The following TSC1 variants were observed in gnomAD, a reference collection of about 807,000 sequenced individuals.
TSC1 encodes TSC complex subunit 1, also known as hamartin.
TSC1 carries 20 observed loss-of-function variants against 124.3 expected under a neutral mutation model. The ratio of observed to expected loss-of-function variants is 0.16; its 90% CI spans 0.11 to 0.23. TSC1 has a LOEUF of 0.23. TSC1 is among the 10% of genes least tolerant of loss of function. The probability of loss-of-function intolerance (pLI) is 1.00; values close to 1 mark genes in which losing one functional copy is unlikely to be tolerated. For synonymous variants in TSC1, 493 were observed against 539.1 expected (o/e 0.91, Z 1.19); for missense variants, 1,124 against 1,448.5 (o/e 0.78, Z 3.64).
chr9:132,900,067 A>C (rs1487683661), intron 20 of TSC1: 1 of 155,708 alleles, frequency 6.4e-6, no homozygotes, highest in African/African-American at 2.4e-5. Context: ...CGGCCGAAAA[A>C]GACTCTTTAC....
Position 132,903,716 on chromosome 9 carries a change from G to A in TSC1, c.2143C>T (p.Arg715Trp), listed in dbSNP as rs1564478519. The change falls in exon 17 of 23, where the codon CGG becomes TGG. Residue 715 changes from arginine (R) to tryptophan (W), a missense_variant. This residue lies in a region of TSC1 where 321 missense variants were observed against 397.4 expected (regional missense o/e 0.81). Coordinates refer to ENST00000298552, the MANE Select transcript of TSC1 (RefSeq NM_000368.5). The surrounding 1 kb of genome is among the most constrained non-coding windows in gnomAD (Gnocchi z 5.9). The stretch of plus-strand genomic sequence containing the variant: ...ACCTTGCGGAGGAGCCGCCTGTTCC[G>A]GAGGGCATGCTGCTGCCTCTTAAAA... Reference protein sequence around the residue: ...ERFKRQQHALRNRRLLRKVIK... With the variant: ...ERFKRQQHALWNRRLLRKVIK... 3 of 1,613,202 alleles carry A rather than the reference G, an allele frequency of 1.9e-6. No homozygotes were observed. Among genetic ancestry groups the A allele is most frequent in the Non-Finnish European group, 2.5e-6 (3 of 1,180,024 alleles).
upstream of TSC1, chr9:132,944,725 G>T (rs1847994171): frequency 2.5e-6 from 1 of 398,068 alleles, no homozygotes; most frequent in African/African-American, 2.1e-5. Flanking sequence ...AGACGGCCGC[G>T]CTCGGCAGCC....
chr9:132,896,277 T>C lies in TSC1; in HGVS notation c.3453A>G (p.Leu1151=), dbSNP rs1554812550. 1 of 1,614,206 alleles carries C rather than the reference T, an allele frequency of 6.2e-7. No homozygotes were observed. Among genetic ancestry groups the C allele is most frequent in the Non-Finnish European group, 8.5e-7 (1 of 1,180,038 alleles). Residue 1151 remains leucine, a synonymous_variant, in exon 23 of 23, where the codon CTA becomes CTG. Transcript: ENST00000298552. This position sits in a 1 kb window ranked among gnomAD's most constrained non-coding sequence, Gnocchi z 4.5. ...GAGTCTCATTGTAGTCCATGATATG[T>C]AGCTGTCCAACACTGTCCGGGGTCG... ...SPPTPDSVGQ[L]HIMDYNETHH... is the part of the protein sequence containing the mutation.
In TSC1 at chr9:132,911,127, A is replaced by G. The variant is rs180810228; in HGVS notation, c.1030-14T>C. 6.3e-7 allele frequency: 1 copy of G among 1,597,036 alleles called. No homozygotes were observed. Among genetic ancestry groups the G allele is most frequent in the Non-Finnish European group, 8.6e-7 (1 of 1,164,540 alleles). Reference sequence around the variant, plus strand: ...CCAAAGAGTAGCCTGGGAAGTTAATAAAGTACATCAGCAGTGGCAAAGGAA... The same window carrying G: ...CCAAAGAGTAGCCTGGGAAGTTAATGAAGTACATCAGCAGTGGCAAAGGAA... On this transcript the variant is annotated splice_polypyrimidine_tract_variant and intron_variant, in intron 10 of 22. Coordinates refer to ENST00000298552, the MANE Select transcript of TSC1 (RefSeq NM_000368.5).
chr9:132,911,241 C>A, intron 10 of TSC1, 128 bp from the exon 11 acceptor site: 1 of 858,604 alleles, frequency 1.2e-6, no homozygotes, highest in East Asian at 2.6e-5. Context: ...TTATTAAAAG[C>A]GTATCAAGAA....
At chr9:132,908,450 T>C (rs1021040450) in intron 12 of TSC1, among the ~76,000 whole-genome samples, 3 of 152,296 alleles carry the variant, frequency 2.0e-5, no homozygotes, top group South Asian at 4.1e-4. Flanking sequence ...AGTAAACATA[T>C]GTGTTGTTGT....
At chr9:132,943,913 G>C (rs985345968) in intron 1 of TSC1, 1 of 152,180 alleles carries the variant, frequency 6.6e-6, no homozygotes, top group Non-Finnish European at 1.5e-5. Context: ...ACGCCTAGGA[G>C]GGGCTCTGCA....
intron 20 of TSC1, among the ~76,000 whole-genome samples, chr9:132,898,816 G>A (rs1845220505): frequency 6.6e-6 from 1 of 152,224 alleles, no homozygotes; most frequent in South Asian, 2.1e-4. Flanking sequence ...AGGTTCAGGA[G>A]CAAATCCTGA....
At chr9:132,914,426 A>G (rs1458618676) in intron 8 of TSC1, among the ~76,000 whole-genome samples, 2 of 152,226 alleles carry the variant, frequency 1.3e-5, no homozygotes, top group African/African-American at 4.8e-5. Context: ...GATGGTTGCC[A>G]GAAGTGGGGG....
chr9:132,944,896 G>A, upstream of TSC1: 1 of 309,966 alleles, frequency 3.2e-6, no homozygotes, highest in Non-Finnish European at 5.9e-6. Flanking sequence ...CAAAAAGAAG[G>A]GCCGGCGCGG....
intron 1 of TSC1, chr9:132,943,858 C>T (rs994781109): frequency 6.6e-6 from 1 of 152,224 alleles, no homozygotes; most frequent in African/African-American, 2.4e-5. Context: ...AAGGTCCCTC[C>T]GATTGCAGGC....
chr9:132,904,112 T>G (rs937357740), intron 16 of TSC1, among the ~76,000 whole-genome samples: 2 of 152,162 alleles, frequency 1.3e-5, no homozygotes, highest in African/African-American at 4.8e-5. Flanking sequence ...CTCAAGACAC[T>G]TCCTTCGCTG....
Position 132,903,804 on chromosome 9 carries a change from TGAA to T in TSC1, c.2052_2054del (p.Ser685del), listed in dbSNP as rs2131774168. 2 of 1,613,960 alleles carry T rather than the reference TGAA, an allele frequency of 1.2e-6. No homozygotes were observed. Among genetic ancestry groups the T allele is most frequent in the Non-Finnish European group, 1.7e-6 (2 of 1,180,028 alleles). On this transcript the variant is annotated inframe_deletion, in exon 17 of 23. Transcript: ENST00000298552. The surrounding 1 kb of genome is among the most constrained non-coding windows in gnomAD (Gnocchi z 5.9). ...GGTCTCGGAGGGTGCGGATCTCATC[TGAA>T]GGAGGAGAGCCTGATTGTAAAGCAG... is the stretch of plus-strand genomic sequence containing the variant.
At chr9:132,908,381 G>A (rs142883586) in intron 12 of TSC1, among the ~76,000 whole-genome samples, 41 of 152,288 alleles carry the variant, frequency 2.7e-4, no homozygotes, top group African/African-American at 7.9e-4. Flanking sequence ...GTTGCAATAT[G>A]TTATTTTGAC....
At chr9:132,931,857 A>G (rs1441061773) in intron 2 of TSC1, among the ~76,000 whole-genome samples, 1 of 152,246 alleles carries the variant, frequency 6.6e-6, no homozygotes, top group African/African-American at 2.4e-5. Context: ...GGAAGAAACC[A>G]GCCCTACATG....
rs1170339481 is a variant in TSC1 at position 132,902,872 on chromosome 9, G to A, written c.2209-85C>T. ...ACACTGCGAACATTTCATCTGAATA[G>A]TCATAAGCTACCCTGAAAATGTAAC... On this transcript the variant is annotated intron_variant, in intron 17 of 22. Coordinates refer to ENST00000298552, the MANE Select transcript of TSC1 (RefSeq NM_000368.5). This position sits in a 1 kb window ranked among gnomAD's most constrained non-coding sequence, Gnocchi z 5.2. 1.1e-5 allele frequency: 17 copies of A among 1,514,772 alleles called. No individual in the cohort carries two copies. The African/African-American group carries it at 2.2e-4, about 20-fold the overall frequency. 93.8% of individuals were successfully genotyped at this position (1,514,772 alleles called of 1,614,324 possible). A position where few individuals can be genotyped will look rare whatever the true frequency, so the allele number is the denominator to read the frequency against.
intron 6 of TSC1, 88 bp from the exon 7 acceptor site, chr9:132,922,061 G>A (rs2132166658): frequency 1.3e-6 from 2 of 1,529,448 alleles, no homozygotes; most frequent in South Asian, 1.1e-5. Context: ...CTGCCAGCAG[G>A]ACTTTTTATC....
intron 2 of TSC1, 32 bp from the exon 3 acceptor site, chr9:132,928,984 T>C: frequency 3.3e-6 from 5 of 1,536,704 alleles, no homozygotes; most frequent in Non-Finnish European, 4.4e-6. Context: ...AGTCACTAAA[T>C]GGCCCCATTT....
At chr9:132,910,861 C>G in intron 11 of TSC1, 141 bp downstream of exon 11, 1 of 1,305,400 alleles carries the variant, frequency 7.7e-7, no homozygotes, top group South Asian at 1.2e-5. Flanking sequence ...TTTACACATT[C>G]TGAAAGCCCC....
Sources: gnomAD v4.1 joint callset for allele counts (sites outside exome capture counted in the v4.1 genomes callset) on GRCh38, gnomAD v4.1.1 for gene constraint, gnomAD v4.1.1 regional missense constraint, Gnocchi (gnomAD v3.1) non-coding constraint, MANE v1.5 for transcripts, NCBI Gene and HGNC (gene_info 2026-07-23, HGNC 2026-07-21) for gene names.